DMTF1: variants seen among roughly 807,000 people sequenced by gnomAD.
DMTF1 encodes the protein cyclin D binding myb like transcription factor 1.
In DMTF1, 39 loss-of-function variants were observed where a neutral mutation model predicts 91.1. The ratio of observed to expected loss-of-function variants is 0.43; its 90% CI spans 0.33 to 0.56. DMTF1 has a LOEUF of 0.56. Among genes scored for constraint, DMTF1 ranks in the 20% least tolerant of loss-of-function variants. DMTF1 has a pLI of 0.05. For synonymous variants in DMTF1, 338 were observed against 309.5 expected (o/e 1.09, Z -0.97); for missense variants, 750 against 914.5 (o/e 0.82, Z 2.32).
At chr7:87,165,750 C>G (rs1584256246) in intron 3 of DMTF1, among the ~76,000 whole-genome samples, 1 of 152,206 alleles carries the variant, frequency 6.6e-6, no homozygotes, top group African/African-American at 2.4e-5. Flanking sequence ...TTTTTCCTTT[C>G]TCTGTGAATT....
Position 87,173,539 on chromosome 7 carries a change from T to G in DMTF1, c.332T>G (p.Leu111Trp). Residue 111 changes from leucine (L) to tryptophan (W), a missense_variant, in exon 6 of 18, where the codon TTG becomes TGG. By Grantham distance (61) the Leu-to-Trp change is moderately conservative. This residue lies in a region of DMTF1 where 150 missense variants were observed against 150.4 expected (regional missense o/e 1.00). Transcript: ENST00000331242. ...TTTTACTTTTACCTTTTCAAGATTTTGCAGAATGAGCAACTAGATGAAATA... is the reference window on the plus strand; with the variant it reads ...TTTTACTTTTACCTTTTCAAGATTTGGCAGAATGAGCAACTAGATGAAATA... The part of the protein sequence containing the change: ...TEGTVTQIQI[L>W]QNEQLDEISP... The G allele has an allele frequency of 1.9e-6, 3 of 1,598,384 alleles. No homozygotes were observed. Among genetic ancestry groups the G allele is most frequent in the Non-Finnish European group, 2.6e-6 (3 of 1,172,442 alleles).
Position 87,185,981 on chromosome 7 carries a change from G to C in DMTF1, c.1201+1G>C. ...AACCATAAGGATGTTTCGTTCCCTGGTAATGTATTACTTACTTTTTAAGCT... is the reference window on the plus strand; with the variant it reads ...AACCATAAGGATGTTTCGTTCCCTGCTAATGTATTACTTACTTTTTAAGCT... On this transcript the variant is annotated splice_donor_variant, in intron 12 of 17. Transcript: ENST00000331242. LOFTEE classifies it high-confidence loss of function. 1 of 1,613,588 alleles carries C rather than the reference G, an allele frequency of 6.2e-7. No homozygotes were observed. Among genetic ancestry groups the C allele is most frequent in the Admixed American group, 1.7e-5 (1 of 59,978 alleles).
chr7:87,194,469 G>C, intron 16 of DMTF1: 1 of 504,330 alleles, frequency 2.0e-6, no homozygotes, highest in Non-Finnish European at 3.5e-6. Flanking sequence ...ATATTCAGCT[G>C]ACCTATAACT....
rs757762119 is a variant in DMTF1 at position 87,193,955 on chromosome 7, T to C, written c.1881T>C (p.Phe627=). Residue 627 remains phenylalanine (F), a synonymous_variant, in exon 16 of 18, where the codon TTT becomes TTC. Coordinates refer to ENST00000331242, the MANE Select transcript of DMTF1 (RefSeq NM_001142327.2). ...HHPKMTVEPS[F]NDAHVSKFSD... is the part of the protein sequence containing the mutation. ...CTAAGATGACTGTGGAGCCATCATT[T>C]AATGATGCTCATGTATCCAAATTCA... 4 of 1,613,290 alleles carry C rather than the reference T, an allele frequency of 2.5e-6. No homozygotes were observed. Among genetic ancestry groups the C allele is most frequent in the East Asian group, 4.5e-5 (2 of 44,868 alleles).
In DMTF1 at chr7:87,193,223, C is replaced by A; in HGVS notation, c.1520C>A (p.Thr507Asn). ...LPSFHLQPTG[T>N]PGTYLLQTSS... ...TCTTTCCATCTACAGCCCACTGGCACTCCAGGCACCTACCTACTTCAAACA... is the reference window on the plus strand; with the variant it reads ...TCTTTCCATCTACAGCCCACTGGCAATCCAGGCACCTACCTACTTCAAACA... Residue 507 changes from threonine to asparagine, a missense_variant, in exon 15 of 18, where the codon ACT becomes AAT. Thr to Asn is a moderately conservative substitution (Grantham distance 65). This residue lies in a region of DMTF1 where 410 missense variants were observed against 420.2 expected (regional missense o/e 0.98). Coordinates refer to ENST00000331242, the MANE Select transcript of DMTF1 (RefSeq NM_001142327.2). 6.2e-7 allele frequency: 1 copy of A among 1,613,384 alleles called. No individual in the cohort carries two copies. The highest frequency in any genetic ancestry group is 8.5e-7 in the Non-Finnish European group (1 of 1,179,518).
chr7:87,170,736 C>T (rs193078420), intron 4 of DMTF1, among the ~76,000 whole-genome samples: 1 of 152,298 alleles, frequency 6.6e-6, no homozygotes, highest in East Asian at 1.9e-4. Context: ...TGTCTTTCCC[C>T]ACTAGAATAC....
At chr7:87,172,074 A>AT (rs1331660448) in intron 5 of DMTF1, among the ~76,000 whole-genome samples, 18 of 152,298 alleles carry the variant, frequency 1.2e-4, no homozygotes, top group Middle Eastern at 3.4e-3. Context: ...AGAGAAGATA[A>AT]TTTAAGAGTA....
At chr7:87,165,246 C>A (rs1220876803) in intron 3 of DMTF1, among the ~76,000 whole-genome samples, 196 bp downstream of exon 3, 1 of 151,148 alleles carries the variant, frequency 6.6e-6, no homozygotes, top group Admixed American at 6.6e-5. Context: ...ATCTGTTGAG[C>A]CCCCAAAGGT....
intron 13 of DMTF1, among the ~76,000 whole-genome samples, chr7:87,190,166 CA>C (rs1799419112): frequency 6.6e-6 from 1 of 152,036 alleles, no homozygotes; most frequent in South Asian, 2.1e-4. Flanking sequence ...CCTCAGTTGA[CA>C]CACATGTAAA....
intron 7 of DMTF1, among the ~76,000 whole-genome samples, chr7:87,175,727 T>C (rs1796130955): frequency 6.6e-6 from 1 of 152,208 alleles, no homozygotes; most frequent in African/African-American, 2.4e-5. Context: ...ACTGCATGAA[T>C]ACATGCCGAA....
intron 14 of DMTF1, chr7:87,192,476 ATT>A (rs1800081448): frequency 6.6e-6 from 1 of 152,090 alleles, no homozygotes; most frequent in East Asian, 1.9e-4. Context: ...GGAAACCTAT[ATT>A]TGGGGATTTA....
intron 12 of DMTF1, 134 bp from the exon 13 acceptor site, chr7:87,187,958 A>G (rs1025578143): frequency 1.6e-6 from 1 of 622,052 alleles, no homozygotes. Context: ...TCTTATTTTT[A>G]TAAGCTCTCA....
In DMTF1 at chr7:87,188,072, G is replaced by A; in HGVS notation, c.1202-20G>A. Reference sequence around the variant, plus strand: ...CTGTCGGAGAATCAATGTTCTTTTTGTCTACCCATCTCCCTTCAGTCTTAA... The same window carrying A: ...CTGTCGGAGAATCAATGTTCTTTTTATCTACCCATCTCCCTTCAGTCTTAA... On this transcript the variant is annotated intron_variant, in intron 12 of 17. Coordinates refer to ENST00000331242, the MANE Select transcript of DMTF1 (RefSeq NM_001142327.2). 6.3e-7 allele frequency: 1 copy of A among 1,599,690 alleles called. No individual in the cohort carries two copies. Among genetic ancestry groups the A allele is most frequent in the Non-Finnish European group, 8.6e-7 (1 of 1,167,596 alleles).
At chr7:87,192,326 G>A (rs1010140312) in intron 14 of DMTF1, among the ~76,000 whole-genome samples, 1 of 152,070 alleles carries the variant, frequency 6.6e-6, no homozygotes, top group Non-Finnish European at 1.5e-5. Context: ...ATTAATATAT[G>A]CTACCTTTAG....
chr7:87,177,011 A>G (rs1796397967), intron 7 of DMTF1, among the ~76,000 whole-genome samples: 1 of 152,136 alleles, frequency 6.6e-6, no homozygotes, highest in Non-Finnish European at 1.5e-5. Context: ...GTAGCTCAGT[A>G]AATATTTAGG....
rs188921888 is a variant in DMTF1 at position 87,195,920 on chromosome 7, A to T, written c.*780A>T. 7 of 152,490 alleles carry T rather than the reference A, an allele frequency of 4.6e-5. No homozygotes were observed. The highest frequency in any genetic ancestry group is 7.4e-5 in the Non-Finnish European group (5 of 67,984). The allele number at this position is 152,490 out of a possible 1,614,324, so 9.4% of individuals were successfully genotyped here. On this transcript the variant is annotated 3_prime_UTR_variant, in exon 18 of 18. Coordinates refer to ENST00000331242, the MANE Select transcript of DMTF1 (RefSeq NM_001142327.2). ...CCTATCCTTGATACCATGACCATTTATTAGATGTTTTGCTATATAAATTAC... is the reference window on the plus strand; with the variant it reads ...CCTATCCTTGATACCATGACCATTTTTTAGATGTTTTGCTATATAAATTAC...
intron 4 of DMTF1, among the ~76,000 whole-genome samples, chr7:87,167,750 C>G (rs968268972): frequency 3.9e-5 from 6 of 152,116 alleles, no homozygotes; most frequent in Non-Finnish European, 8.8e-5. Flanking sequence ...AATATTCGTT[C>G]CTCCTGATGA....
intron 13 of DMTF1, among the ~76,000 whole-genome samples, chr7:87,189,526 T>A (rs12112818): frequency 0.019 from 2,833 of 152,248 alleles, 104 homozygotes; most frequent in African/African-American, 0.063. Flanking sequence ...ACAAACATTT[T>A]ATAAATGATA....
At chr7:87,181,444 T>C (rs992072680) in intron 9 of DMTF1, 103 bp downstream of exon 9, 5 of 571,828 alleles carry the variant, frequency 8.7e-6, no homozygotes, top group South Asian at 3.9e-5. Context: ...ACTGGTATAA[T>C]TGAATTGTGC....
Sources: allele counts gnomAD v4.1 joint callset (sites outside exome capture counted in the v4.1 genomes callset), GRCh38; gene constraint gnomAD v4.1.1; regional missense constraint gnomAD v4.1.1; transcripts MANE v1.5; gene names NCBI Gene and HGNC (gene_info 2026-07-23, HGNC 2026-07-21).